The following PI4KA variants were observed in gnomAD, a reference collection of about 807,000 sequenced individuals.
PI4KA encodes PI4-kinase alpha.
A neutral mutation model predicts 271.4 loss-of-function variants in PI4KA; 122 were observed. That is an observed-to-expected ratio of 0.45 (90% confidence interval 0.39 to 0.52). The LOEUF (loss-of-function observed/expected upper bound fraction) is 0.52. Ranked by LOEUF, PI4KA falls within the 20% of genes least tolerant of loss-of-function variation. The pLI is 0.00. For synonymous variants in PI4KA, 1,041 were observed against 1,078.8 expected, an observed-to-expected ratio of 0.96 and a Z score of 0.69; for missense variants, 1,969 against 2,769.1, an observed-to-expected ratio of 0.71 and a Z score of 6.48.
chr22:20,727,752 C>A, intron 40 of PI4KA, 22 bp downstream of exon 40: 1 of 1,586,532 alleles, frequency 6.3e-7, no homozygotes, highest in South Asian at 1.1e-5. Flanking sequence ...GAACTCAGGC[C>A]CTGGTACGTG....
chr22:20,770,625 CACACACAA>C (rs1165370203), intron 19 of PI4KA, among the ~76,000 whole-genome samples: 9 of 139,746 alleles, frequency 6.4e-5, no homozygotes, highest in African/African-American at 2.2e-4. Context: ...CACACACACA[CACACACAA>C]GCTGGACACA....
intron 2 of PI4KA, 105 bp downstream of exon 2, chr22:20,838,510 G>GT (rs1211570595): frequency 5.6e-6 from 4 of 716,008 alleles, no homozygotes; most frequent in Non-Finnish European, 9.9e-6. Flanking sequence ...AGGTTCAAAT[G>GT]TATTCTTCTA....
rs373597961 is a variant in PI4KA at position 20,708,124 on chromosome 22, G to A, written c.6258-26C>T. ...CTGAAAGGCCAAGGAAGAGTGAAGG[G>A]AGATTCGAGGAGCCAGCAGGGTCTG... On this transcript the variant is annotated intron_variant, in intron 54 of 54. Coordinates refer to ENST00000255882, the MANE Select transcript of PI4KA (RefSeq NM_058004.4). 3.1e-6 allele frequency: 5 copies of A among 1,600,270 alleles called. No homozygotes were observed. In the Admixed American group the frequency reaches 6.7e-5, roughly 21 times the overall value.
chr22:20,752,160 C>A (rs1930773280), intron 25 of PI4KA, among the ~76,000 whole-genome samples: 2 of 152,208 alleles, frequency 1.3e-5, no homozygotes, highest in Admixed American at 6.5e-5. Context: ...GCTCCGATGG[C>A]CCCAGGGCTG....
rs114314311 is a variant in PI4KA at position 20,789,829 on chromosome 22, C to T, written c.2328+3364G>A. 4.0e-3 allele frequency among the ~76,000 whole-genome samples: 610 copies of T among 152,234 alleles called. 4 individuals carry two copies. Among genetic ancestry groups the T allele is most frequent in the African/African-American group, 0.014 (585 of 41,546 alleles). On this transcript the variant is annotated intron_variant, in intron 19 of 54. Coordinates refer to ENST00000255882, the MANE Select transcript of PI4KA (RefSeq NM_058004.4). ...CCATGGACAGAGAGTGCACAGTTTT[C>T]GAAAAGGTTCTCTGTGACCTAAAAC...
rs529173232 is a variant in PI4KA, at chr22:20,713,195, A to G, written c.5571+86T>C. On this transcript the variant is annotated intron_variant, in intron 48 of 54. Transcript: ENST00000255882. ...AGAAGGAAAAGATTCACATTTCTGC[A>G]TATGAGATTGGACTCTGGCGGGCCT... The G allele has an allele frequency of 1.1e-5, 10 of 945,770 alleles. No individual in the cohort carries two copies. In the South Asian group the frequency reaches 1.4e-4, roughly 13 times the overall value. 58.6% of individuals were successfully genotyped at this position (945,770 alleles called of 1,614,324 possible).
Position 20,729,418 on chromosome 22 carries a change from G to A in PI4KA, c.4577C>T (p.Ala1526Val). 1 of 1,613,700 alleles carries A rather than the reference G, an allele frequency of 6.2e-7. No homozygotes were observed. Among genetic ancestry groups the A allele is most frequent in the Non-Finnish European group, 8.5e-7 (1 of 1,179,784 alleles). ...ELDQAGENSV[A>V]NWRSKYISLS... ...GCTGATGTACTTAGATCTCCAGTTG[G>A]CCACGCTGTTCTCTCCGGCCTGGTC... Residue 1526 changes from alanine to valine, a missense_variant, in exon 39 of 55, where the codon GCC (alanine) becomes GTC (valine). By Grantham distance (64) the Ala-to-Val change is moderately conservative. Around this residue, in one of 13 missense-constraint regions of PI4KA, gnomAD observed 388 missense variants for 521.5 expected, o/e 0.74. Transcript: ENST00000255882.
At chr22:20,768,437 A>G (rs1932726844) in intron 19 of PI4KA, among the ~76,000 whole-genome samples, 2 of 152,234 alleles carry the variant, frequency 1.3e-5, no homozygotes, top group Non-Finnish European at 1.5e-5. Context: ...AAGAGAAAAA[A>G]ATCCAAAACG....
intron 17 of PI4KA, among the ~76,000 whole-genome samples, chr22:20,798,152 A>G (rs890431202): frequency 6.6e-6 from 1 of 152,232 alleles, no homozygotes; most frequent in African/African-American, 2.4e-5. Flanking sequence ...TGTAGCTGTT[A>G]GGCTGTCAAT....
chr22:20,746,065 T>C (rs1352138651), intron 29 of PI4KA, among the ~76,000 whole-genome samples: 3 of 138,746 alleles, frequency 2.2e-5, no homozygotes, highest in Non-Finnish European at 4.7e-5. Context: ...AAAAGAATTT[T>C]TTTTTTTTTT....
intron 29 of PI4KA, among the ~76,000 whole-genome samples, chr22:20,746,034 T>G (rs377538200): frequency 0.026 from 3,519 of 137,112 alleles, 74 homozygotes; most frequent in Non-Finnish European, 0.036. Flanking sequence ...AGATGGGGTT[T>G]CATCAAAAAA....
At chr22:20,719,681 A>AT (rs1213063270) in intron 43 of PI4KA, among the ~76,000 whole-genome samples, 4 of 151,982 alleles carry the variant, frequency 2.6e-5, no homozygotes, top group Admixed American at 6.6e-5. Flanking sequence ...GAACTGAAAC[A>AT]TTTTTTTGGA....
At chr22:20,802,822 TTTAA>T (rs1322410239) in intron 13 of PI4KA, among the ~76,000 whole-genome samples, 2 of 152,204 alleles carry the variant, frequency 1.3e-5, no homozygotes, top group South Asian at 2.1e-4. Flanking sequence ...ACAGCAGGTG[TTTAA>T]TTAATTAATG....
At chr22:20,748,825 G>T (rs1473019243) in intron 28 of PI4KA, among the ~76,000 whole-genome samples, 1 of 152,164 alleles carries the variant, frequency 6.6e-6, no homozygotes, top group African/African-American at 2.4e-5. Context: ...GACTACTCTG[G>T]TGGGTGGAGG....
chr22:20,791,554 C>T (rs897521135), intron 19 of PI4KA, among the ~76,000 whole-genome samples: 1 of 151,974 alleles, frequency 6.6e-6, no homozygotes, highest in South Asian at 2.1e-4. Flanking sequence ...CTCAGAAGTT[C>T]GAGACAAGCC....
rs558524155 is a variant in PI4KA, at chr22:20,718,065, C to T, written c.5247-287G>A. On this transcript the variant is annotated intron_variant, in intron 44 of 54. Coordinates refer to ENST00000255882, the MANE Select transcript of PI4KA (RefSeq NM_058004.4). ...TAATAATGCCTGCCACCTGCTGCCACCCAGGAAACGCTAGCTCCCGTCCTT... is the reference window on the plus strand; with the variant it reads ...TAATAATGCCTGCCACCTGCTGCCATCCAGGAAACGCTAGCTCCCGTCCTT... Among the ~76,000 whole-genome samples, 16 of 152,278 alleles carry T rather than the reference C, an allele frequency of 1.1e-4. No homozygotes were observed. In the South Asian group the frequency reaches 2.9e-3, roughly 28 times the overall value.
In PI4KA at chr22:20,707,884, G is replaced by C; in HGVS notation, c.*163C>G. 4.0e-6 allele frequency: 3 copies of C among 753,050 alleles called. No homozygotes were observed. The highest frequency in any genetic ancestry group is 4.9e-6 in the Non-Finnish European group (2 of 407,548). 46.6% of individuals were successfully genotyped at this position (753,050 alleles called of 1,614,324 possible). A position where few individuals can be genotyped will look rare whatever the true frequency, so the allele number is the denominator to read the frequency against. On this transcript the variant is annotated 3_prime_UTR_variant, in exon 55 of 55. Coordinates refer to ENST00000255882, the MANE Select transcript of PI4KA (RefSeq NM_058004.4). ...TCGCTGCAGTCCATGGCGTTACCAA[G>C]GCTGCGCCACCCACGTGCTGCCCCA...
At chr22:20,824,738 A>AT in intron 3 of PI4KA, among the ~76,000 whole-genome samples, 1 of 60,546 alleles carries the variant, frequency 1.7e-5, no homozygotes, top group Non-Finnish European at 3.3e-5. Flanking sequence ...TAAATCACAC[A>AT]CACACACACA....
intron 7 of PI4KA, among the ~76,000 whole-genome samples, chr22:20,814,960 C>A (rs1491001744): frequency 6.6e-6 from 1 of 151,584 alleles, no homozygotes; most frequent in Non-Finnish European, 1.5e-5. Flanking sequence ...AGTTTGAGAC[C>A]AGCCTGGGCA....
Sources: allele counts gnomAD v4.1 joint callset (sites outside exome capture counted in the v4.1 genomes callset), GRCh38; gene constraint gnomAD v4.1.1; regional missense constraint gnomAD v4.1.1; transcripts MANE v1.5; gene names NCBI Gene and HGNC (gene_info 2026-07-23, HGNC 2026-07-21).